The following RBFOX1 variants were observed in gnomAD, a reference collection of about 807,000 sequenced individuals.
RBFOX1 encodes RNA binding fox-1 homolog 1, also known as RNA binding protein fox-1 homolog 1.
RBFOX1 carries 8 observed loss-of-function variants against 57.7 expected under a neutral mutation model. The observed-to-expected ratio is 0.14, with a 90% CI of 0.08 to 0.25. The LOEUF (loss-of-function observed/expected upper bound fraction) is 0.25, where lower values mean the gene tolerates loss of function less well. RBFOX1 is among the 10% of genes least tolerant of loss of function. The probability of loss-of-function intolerance (pLI) is 1.00; values close to 1 mark genes in which losing one functional copy is unlikely to be tolerated. For synonymous variants in RBFOX1, 326 were observed against 222.4 expected, an observed-to-expected ratio of 1.47 and a Z score of -4.15; for missense variants, 611 against 548.5, an observed-to-expected ratio of 1.11 and a Z score of -1.14.
chr16:5,762,669 A>T (rs2053631552), intron 3 of RBFOX1, among the ~76,000 whole-genome samples: 1 of 152,244 alleles, frequency 6.6e-6, no homozygotes, highest in South Asian at 2.1e-4. Flanking sequence ...CATTGTTTAT[A>T]ATAATGAAAA....
At chr16:5,801,551 G>A (rs969176520) in intron 3 of RBFOX1, among the ~76,000 whole-genome samples, 2 of 152,138 alleles carry the variant, frequency 1.3e-5, no homozygotes, top group Non-Finnish European at 2.9e-5. Context: ...GAGCTGGGGT[G>A]CATGCACGCG....
chr16:6,725,592 T>C (rs2067005201), intron 3 of RBFOX1, among the ~76,000 whole-genome samples: 1 of 152,146 alleles, frequency 6.6e-6, no homozygotes, highest in African/African-American at 2.4e-5. Context: ...CATAAAAATA[T>C]CCAACCATCA....
intron 3 of RBFOX1, among the ~76,000 whole-genome samples, chr16:6,876,865 C>A (rs2061943974): frequency 6.6e-6 from 1 of 152,132 alleles, no homozygotes; most frequent in Admixed American, 6.5e-5. Flanking sequence ...GATTGGCATT[C>A]ATCATAGTGT....
chr16:5,376,099 C>T (rs966953663), intron 1 of RBFOX1, among the ~76,000 whole-genome samples: 4 of 150,304 alleles, frequency 2.7e-5, no homozygotes, highest in Admixed American at 2.0e-4. Context: ...ACCTGGGAGG[C>T]AGAGGTTGCA....
intron 1 of RBFOX1, among the ~76,000 whole-genome samples, chr16:6,066,081 G>C (rs1434099877): frequency 2.0e-5 from 3 of 152,054 alleles, no homozygotes; most frequent in Non-Finnish European, 2.9e-5. Flanking sequence ...GGATCATGAG[G>C]TTAGGAGATT....
At chr16:7,705,397 C>G (rs537615933) in intron 14 of RBFOX1, among the ~76,000 whole-genome samples, 4 of 151,680 alleles carry the variant, frequency 2.6e-5, no homozygotes, top group Admixed American at 2.6e-4. Flanking sequence ...CCCAGCTATT[C>G]GGGAGGCTGA....
chr16:6,987,380 A>G (rs1328382622), intron 3 of RBFOX1, among the ~76,000 whole-genome samples: 1 of 151,562 alleles, frequency 6.6e-6, no homozygotes, highest in Non-Finnish European at 1.5e-5. Context: ...CATCACTACC[A>G]TGGTTTCTGA....
chr16:7,601,219 G>T (rs185219313), intron 9 of RBFOX1, among the ~76,000 whole-genome samples: 2 of 152,154 alleles, frequency 1.3e-5, no homozygotes, highest in African/African-American at 4.8e-5. Flanking sequence ...ACTGGCTCTT[G>T]AATTGTAGGA....
intron 2 of RBFOX1, among the ~76,000 whole-genome samples, chr16:5,483,740 C>G (rs1440065980): frequency 1.3e-5 from 2 of 152,150 alleles, no homozygotes; most frequent in African/African-American, 4.8e-5. Context: ...TTATCTATTG[C>G]TGTGTAACAA....
intron 2 of RBFOX1, among the ~76,000 whole-genome samples, chr16:6,461,320 G>A (rs1199404262): frequency 1.3e-5 from 2 of 152,076 alleles, no homozygotes; most frequent in African/African-American, 4.8e-5. Flanking sequence ...CTACCCTTAT[G>A]GATTCCTTTT....
At chr16:5,578,841 A>AC (rs1555470152) in intron 2 of RBFOX1, among the ~76,000 whole-genome samples, 370 of 89,256 alleles carry the variant, frequency 4.1e-3, no homozygotes, top group Middle Eastern at 0.011. Flanking sequence ...ACACACACAC[A>AC]CCCTTTTTTT....
At chr16:7,278,629 C>G (rs1011410270) in intron 4 of RBFOX1, among the ~76,000 whole-genome samples, 3 of 152,158 alleles carry the variant, frequency 2.0e-5, no homozygotes, top group Non-Finnish European at 2.9e-5. Flanking sequence ...TTCTCTATAA[C>G]CAGTCTTTTT....
chr16:6,239,924 A>G (rs1441305922), intron 1 of RBFOX1, among the ~76,000 whole-genome samples: 3 of 152,212 alleles, frequency 2.0e-5, no homozygotes, highest in Non-Finnish European at 2.9e-5. Context: ...CTCATGTTGA[A>G]GTGTAATCCC....
At chr16:5,839,143 A>T (rs956369083) in intron 3 of RBFOX1, among the ~76,000 whole-genome samples, 1 of 152,248 alleles carries the variant, frequency 6.6e-6, no homozygotes, top group Admixed American at 6.5e-5. Flanking sequence ...ACACGGACTT[A>T]TAACTAGAAG....
At chr16:6,988,264 C>G (rs1444233733) in intron 3 of RBFOX1, among the ~76,000 whole-genome samples, 1 of 152,278 alleles carries the variant, frequency 6.6e-6, no homozygotes, top group East Asian at 1.9e-4. Context: ...ACTTTCTCCT[C>G]TCAGCAAAGC....
At chr16:7,107,433 A>G (rs936022891) in intron 4 of RBFOX1, among the ~76,000 whole-genome samples, 2 of 152,088 alleles carry the variant, frequency 1.3e-5, no homozygotes, top group Non-Finnish European at 2.9e-5. Context: ...TTCTTGTACA[A>G]CACTCCTCTC....
intron 1 of RBFOX1, among the ~76,000 whole-genome samples, chr16:5,448,586 C>G (rs568164460): frequency 2.6e-4 from 40 of 152,286 alleles, no homozygotes; most frequent in African/African-American, 9.1e-4. Flanking sequence ...CCCCATGGAA[C>G]TGCACTGAGT....
intron 2 of RBFOX1, among the ~76,000 whole-genome samples, chr16:6,391,155 C>T (rs766097205): frequency 2.6e-5 from 4 of 152,076 alleles, no homozygotes; most frequent in Non-Finnish European, 4.4e-5. Flanking sequence ...GCCTTGCCTG[C>T]AAGAAGTTTG....
chr16:5,915,471 G>A (rs544718046), intron 4 of RBFOX1, among the ~76,000 whole-genome samples: 10 of 152,320 alleles, frequency 6.6e-5, no homozygotes, highest in African/African-American at 2.2e-4. Flanking sequence ...GGGCTAAGAA[G>A]AGAGAGTGAA....
Sources: gnomAD v4.1 joint callset for allele counts (sites outside exome capture counted in the v4.1 genomes callset) on GRCh38, gnomAD v4.1.1 for gene constraint, MANE v1.5 for transcripts, NCBI Gene and HGNC (gene_info 2026-07-23, HGNC 2026-07-21) for gene names.